Variants in TAB2 observed in about 807,000 individuals in gnomAD.
TAB2 encodes TGF-beta-activated kinase 1 and MAP3K7-binding protein 2.
TAB2 carries 3 observed loss-of-function variants against 65.0 expected under a neutral mutation model. The ratio of observed to expected loss-of-function variants is 0.05; its 90% CI spans 0.02 to 0.12. The LOEUF (loss-of-function observed/expected upper bound fraction) is 0.12. Among genes scored for constraint, TAB2 ranks in the 10% least tolerant of loss-of-function variants. The pLI is 1.00. For missense variants in TAB2, 623 were observed against 840.3 expected (o/e 0.74, Z 3.20); for synonymous variants, 298 against 285.1 (o/e 1.05, Z -0.46).
intron 1 of TAB2, among the ~76,000 whole-genome samples, chr6:149,350,035 G>A (rs184459956): frequency 5.9e-5 from 9 of 152,190 alleles, no homozygotes; most frequent in South Asian, 2.1e-4. Context: ...GGGTTCAAGC[G>A]ATTCTTTTGC....
intron 1 of TAB2, among the ~76,000 whole-genome samples, chr6:149,275,704 T>A (rs1778459454): frequency 6.6e-6 from 1 of 152,198 alleles, no homozygotes; most frequent in Non-Finnish European, 1.5e-5. Flanking sequence ...AAACTCAGCA[T>A]CAACAGTGAT....
chr6:149,354,348 G>A (rs768370230), intron 1 of TAB2, among the ~76,000 whole-genome samples: 3 of 152,062 alleles, frequency 2.0e-5, no homozygotes, highest in African/African-American at 7.2e-5. Flanking sequence ...TAGGTAGATC[G>A]TGTCACAAAA....
intron 1 of TAB2, among the ~76,000 whole-genome samples, chr6:149,251,075 C>T (rs2114654742): frequency 6.6e-6 from 1 of 152,356 alleles, no homozygotes; most frequent in East Asian, 1.9e-4. Flanking sequence ...ACTCAATGCA[C>T]AGCTCTGTCG....
chr6:149,394,576 C>T lies in TAB2; in HGVS notation c.1604-3028C>T, dbSNP rs746367657. 2.6e-5 allele frequency among the ~76,000 whole-genome samples: 4 copies of T among 152,140 alleles called. No individual in the cohort carries two copies. The South Asian group carries it at 8.3e-4, about 32-fold the overall frequency. On this transcript the variant is annotated intron_variant, in intron 3 of 6. Transcript: ENST00000637181. ...TATTTGCACCCAGAAATGAGGACAT[C>T]TCTTTTTCTTTCAGGTTATTATTAT...
chr6:149,238,867 A>G (rs1777546767), intron 1 of TAB2, among the ~76,000 whole-genome samples: 1 of 152,238 alleles, frequency 6.6e-6, no homozygotes, highest in South Asian at 2.1e-4. Flanking sequence ...GGAGACTGTC[A>G]CATCTTAGAC....
chr6:149,218,441 T>C (rs115396478), upstream of TAB2, among the ~76,000 whole-genome samples: 337 of 152,206 alleles, frequency 2.2e-3, 1 homozygote, highest in African/African-American at 7.8e-3. Flanking sequence ...TAAAAGAAGA[T>C]GAAAGAACAA....
intron 6 of TAB2, chr6:149,400,290 G>T (rs1334921492): frequency 1.1e-5 from 15 of 1,327,054 alleles, no homozygotes; most frequent in East Asian, 2.3e-5. Flanking sequence ...CTCATCCACC[G>T]CTGTCACCTC....
At chr6:149,229,811 C>G (rs1417945724) in intron 1 of TAB2, 1 of 152,170 alleles carries the variant, frequency 6.6e-6, no homozygotes, top group Non-Finnish European at 1.5e-5. Flanking sequence ...TCCAATGGTG[C>G]CCTTGTAGGT....
At chr6:149,284,812 C>T (rs1045476131) in intron 1 of TAB2, among the ~76,000 whole-genome samples, 4 of 152,126 alleles carry the variant, frequency 2.6e-5, no homozygotes, top group African/African-American at 9.7e-5. Flanking sequence ...AAAGAACTGC[C>T]TCTTTAAGCC....
At chr6:149,348,302 T>C (rs1236615590) in intron 1 of TAB2, among the ~76,000 whole-genome samples, 1 of 151,858 alleles carries the variant, frequency 6.6e-6, no homozygotes, top group Non-Finnish European at 1.5e-5. Flanking sequence ...GGAGGGAAGA[T>C]CCTTTGAGCC....
At chr6:149,218,259 G>A (rs78050899), upstream of TAB2, among the ~76,000 whole-genome samples, 1,503 of 152,296 alleles carry the variant, frequency 9.9e-3, 14 homozygotes, top group Middle Eastern at 0.021. Context: ...TTTGTACTCG[G>A]ATAGGTTGGT....
At chr6:149,376,396 CT>C (rs1242936668) in intron 2 of TAB2, among the ~76,000 whole-genome samples, 1 of 152,138 alleles carries the variant, frequency 6.6e-6, no homozygotes, top group Non-Finnish European at 1.5e-5. Context: ...TTCCAATCTG[CT>C]TTTGCAACAA....
chr6:149,397,890 C>G (rs977560722), intron 4 of TAB2, 79 bp from the exon 5 acceptor site: 1 of 1,576,532 alleles, frequency 6.3e-7, no homozygotes, highest in Non-Finnish European at 8.7e-7. Context: ...TCCTTACTTT[C>G]TTGTGCCAAA....
chr6:149,318,980 C>T (rs1444275699), intron 1 of TAB2, among the ~76,000 whole-genome samples: 4 of 152,264 alleles, frequency 2.6e-5, no homozygotes, highest in African/African-American at 9.6e-5. Context: ...ATTTAGGCCC[C>T]CAGTGCAGGC....
chr6:149,314,641 A>G (rs1779219324), upstream of TAB2, among the ~76,000 whole-genome samples: 1 of 152,198 alleles, frequency 6.6e-6, no homozygotes. Context: ...ACCTTGTATC[A>G]ATGCTATTTA....
At chr6:149,310,746 A>G (rs939622894) in intron 1 of TAB2, among the ~76,000 whole-genome samples, 11 of 152,288 alleles carry the variant, frequency 7.2e-5, no homozygotes, top group Non-Finnish European at 1.5e-4. Context: ...GAAAAAATCT[A>G]ACTCATTATT....
chr6:149,335,178 C>T (rs1562420849), intron 1 of TAB2, among the ~76,000 whole-genome samples: 1 of 151,884 alleles, frequency 6.6e-6, no homozygotes, highest in Non-Finnish European at 1.5e-5. Context: ...TCTCATTATC[C>T]TCTTTTGGTC....
chr6:149,312,653 G>A (rs909535481), intron 1 of TAB2, among the ~76,000 whole-genome samples: 2 of 152,238 alleles, frequency 1.3e-5, no homozygotes, highest in Non-Finnish European at 2.9e-5. Context: ...ATGAGCCACT[G>A]TGCCCTGCCT....
chr6:149,228,318 T>C (rs1468707198), intron 1 of TAB2, among the ~76,000 whole-genome samples: 3 of 152,156 alleles, frequency 2.0e-5, no homozygotes, highest in Non-Finnish European at 2.9e-5. Context: ...GCCCCACGTG[T>C]TGAAAGCCAG....
Sources: allele counts gnomAD v4.1 joint callset (sites outside exome capture counted in the v4.1 genomes callset), GRCh38; gene constraint gnomAD v4.1.1; transcripts MANE v1.5; gene names NCBI Gene and HGNC (gene_info 2026-07-23, HGNC 2026-07-21).